Variants in ACTN2 observed in about 807,000 individuals in gnomAD.
ACTN2 encodes alpha-actinin-2.
A neutral mutation model predicts 113.8 loss-of-function variants in ACTN2; 39 were observed. The ratio of observed to expected loss-of-function variants is 0.34; its 90% CI spans 0.27 to 0.45. ACTN2 has a LOEUF of 0.45. Among genes scored for constraint, ACTN2 ranks in the 20% least tolerant of loss-of-function variants. The pLI, the probability that ACTN2 is intolerant of heterozygous loss-of-function variation, is 1.00. For synonymous variants in ACTN2, 429 were observed against 444.1 expected (o/e 0.97, Z 0.43); for missense variants, 992 against 1,177.9 (o/e 0.84, Z 2.31).
intron 1 of ACTN2, among the ~76,000 whole-genome samples, chr1:236,707,777 T>C (rs1468587450): frequency 6.8e-6 from 1 of 146,224 alleles, no homozygotes; most frequent in Non-Finnish European, 1.5e-5. Context: ...AATGGCACCA[T>C]CTTGGCTCAC....
intron 1 of ACTN2, among the ~76,000 whole-genome samples, chr1:236,715,769 A>G (rs1658185243): frequency 6.6e-6 from 1 of 152,252 alleles, no homozygotes. Context: ...CAGTCTGGCC[A>G]ACATGGCAAA....
At chr1:236,695,385 A>T (rs1657458885) in intron 1 of ACTN2, among the ~76,000 whole-genome samples, 1 of 151,526 alleles carries the variant, frequency 6.6e-6, no homozygotes, top group South Asian at 2.1e-4. Flanking sequence ...CAAAAAAAAA[A>T]AAAAAAAGTT....
intron 4 of ACTN2, among the ~76,000 whole-genome samples, chr1:236,721,022 G>GTTTTTTTTTTTTTTTTTTTTTTTTTTTT (rs869077774): frequency 3.0e-5 from 2 of 66,506 alleles, no homozygotes; most frequent in East Asian, 4.3e-4. Flanking sequence ...TTTGTTTTTT[G>GTTTTTTTTTTTTTTTTTTTTTTTTTTTT]TTTTTTTTTT....
chr1:236,701,095 C>T (rs1479907409), intron 1 of ACTN2, among the ~76,000 whole-genome samples: 1 of 152,082 alleles, frequency 6.6e-6, no homozygotes, highest in African/African-American at 2.4e-5. Flanking sequence ...CGGGACAATC[C>T]CAGTTTGTGG....
chr1:236,741,475 A>G (rs1659065130), intron 10 of ACTN2, among the ~76,000 whole-genome samples: 1 of 152,092 alleles, frequency 6.6e-6, no homozygotes, highest in Admixed American at 6.6e-5. Flanking sequence ...ACATATCCAA[A>G]AGAGTTCCTC....
chr1:236,688,440 T>C (rs998119497), intron 1 of ACTN2, among the ~76,000 whole-genome samples: 3 of 152,108 alleles, frequency 2.0e-5, no homozygotes, highest in Non-Finnish European at 4.4e-5. Context: ...AGAGGCCACA[T>C]TGACATCCCT....
rs1372164615 is a variant in ACTN2 at position 236,737,297 on chromosome 1, GCATATATATA to G, written c.876+84_876+93del. ...GAGGGTGAAAAAATACTCCGTGGGG[GCATATATATA>G]TATATATATATTTTGCATTTTTCAT... is the stretch of plus-strand genomic sequence containing the variant. On this transcript the variant is annotated intron_variant, in intron 9 of 20. Transcript: ENST00000366578. The G allele has an allele frequency of 1.0e-3, 332 of 322,236 alleles. 83 individuals are homozygous for G. Among genetic ancestry groups the G allele is most frequent in the Non-Finnish European group, 1.9e-3 (301 of 158,052 alleles). 20.0% of individuals were successfully genotyped at this position (322,236 alleles called of 1,614,324 possible).
intron 18 of ACTN2, 64 bp from the exon 19 acceptor site, chr1:236,759,660 G>A (rs1345112171): frequency 5.1e-6 from 7 of 1,369,950 alleles, no homozygotes; most frequent in Non-Finnish European, 7.3e-6. Flanking sequence ...TTGTTCAGTT[G>A]GTCAAGTAGA....
At chr1:236,740,167 G>A (rs558171120) in intron 10 of ACTN2, among the ~76,000 whole-genome samples, 1 of 152,034 alleles carries the variant, frequency 6.6e-6, no homozygotes, top group Admixed American at 6.5e-5. Context: ...AGGCTGCAGT[G>A]CAGTGGCGTG....
At chr1:236,725,837 A>C in intron 4 of ACTN2, 96 bp from the exon 5 acceptor site, 2 of 1,085,150 alleles carry the variant, frequency 1.8e-6, no homozygotes, top group East Asian at 4.7e-5. Flanking sequence ...CCCCTGGGTG[A>C]TCGACCCCCT....
chr1:236,729,900 C>T (rs902371213), intron 6 of ACTN2, among the ~76,000 whole-genome samples: 1 of 152,164 alleles, frequency 6.6e-6, no homozygotes, highest in Non-Finnish European at 1.5e-5. Context: ...AATTGGTCAT[C>T]TTTAAGAAAG....
Position 236,739,628 on chromosome 1 carries a change from T to C in ACTN2, c.1107+96T>C, listed in dbSNP as rs1490712257. 4 of 1,392,688 alleles carry C rather than the reference T, an allele frequency of 2.9e-6. No homozygotes were observed. The African/African-American group carries it at 5.7e-5, about 20-fold the overall frequency. The allele number at this position is 1,392,688 out of a possible 1,614,324, so 86.3% of individuals were successfully genotyped here. A position where few individuals can be genotyped will look rare whatever the true frequency, so the allele number is the denominator to read the frequency against. Reference sequence around the variant, plus strand: ...GGGTCAGGAGGAGGCATTGACTTCTTGAATCTTTTTAGTTGTGTGAATATC... The same window carrying C: ...GGGTCAGGAGGAGGCATTGACTTCTCGAATCTTTTTAGTTGTGTGAATATC... On this transcript the variant is annotated intron_variant, in intron 10 of 20. Transcript: ENST00000366578.
chr1:236,748,812 C>A (rs993393737), intron 13 of ACTN2, among the ~76,000 whole-genome samples: 1 of 152,188 alleles, frequency 6.6e-6, no homozygotes, highest in Non-Finnish European at 1.5e-5. Context: ...CCTGCTTTAG[C>A]TGAAAGCAAG....
chr1:236,757,668 G>A (rs1270845979), intron 18 of ACTN2, 36 bp downstream of exon 18: 4 of 1,612,770 alleles, frequency 2.5e-6, no homozygotes, highest in South Asian at 1.1e-5. Context: ...GCAATACTGG[G>A]GACATTAAAC....
rs79573126 is a variant in ACTN2, at chr1:236,738,850, T to A, written c.877-452T>A. 5.2e-3 allele frequency among the ~76,000 whole-genome samples: 788 copies of A among 152,368 alleles called. 3 individuals are homozygous for A. Among genetic ancestry groups the A allele is most frequent in the Non-Finnish European group, 8.3e-3 (566 of 68,026 alleles). ...GCTTACAATACAGTTGTGTAGTAAGTAATCTAATTAGATTTGAGCTTATTT... is the reference window on the plus strand; with the variant it reads ...GCTTACAATACAGTTGTGTAGTAAGAAATCTAATTAGATTTGAGCTTATTT... On this transcript the variant is annotated intron_variant, in intron 9 of 20. Coordinates refer to ENST00000366578, the MANE Select transcript of ACTN2 (RefSeq NM_001103.4).
intron 15 of ACTN2, among the ~76,000 whole-genome samples, chr1:236,751,883 C>A (rs1659406813): frequency 6.6e-6 from 1 of 152,174 alleles, no homozygotes; most frequent in East Asian, 1.9e-4. Context: ...TAAGGAAAAT[C>A]TTATAAATGT....
At chr1:236,736,371 T>C (rs1658876371) in intron 8 of ACTN2, among the ~76,000 whole-genome samples, 1 of 152,244 alleles carries the variant, frequency 6.6e-6, no homozygotes, top group African/African-American at 2.4e-5. Flanking sequence ...GAAAGGATGC[T>C]AACAGGCTGA....
chr1:236,695,563 T>TACCCCCC (rs1553296741), intron 1 of ACTN2, among the ~76,000 whole-genome samples: 2 of 100,796 alleles, frequency 2.0e-5, no homozygotes, highest in African/African-American at 8.2e-5. Flanking sequence ...TGAAATGAGT[T>TACCCCCC]CCCCCCCCCT....
intron 6 of ACTN2, 122 bp from the exon 7 acceptor site, chr1:236,731,111 C>A: frequency 1.4e-6 from 1 of 717,660 alleles, no homozygotes; most frequent in Non-Finnish European, 2.5e-6. Flanking sequence ...GAAAGTTACA[C>A]TATTATGATT....
Sources: gnomAD v4.1 joint callset for allele counts (sites outside exome capture counted in the v4.1 genomes callset) on GRCh38, gnomAD v4.1.1 for gene constraint, MANE v1.5 for transcripts, NCBI Gene and HGNC (gene_info 2026-07-23, HGNC 2026-07-21) for gene names.